Variants in SNX5 observed in about 807,000 individuals in gnomAD.
SNX5 encodes the protein sorting nexin 5.
Under a neutral mutation model 53.9 loss-of-function variants are expected in SNX5, and 31 were observed. That is an observed-to-expected ratio of 0.58 (90% confidence interval 0.43 to 0.78). SNX5 has a LOEUF of 0.78. Ranked by LOEUF, SNX5 falls within the 30% of genes least tolerant of loss-of-function variation. The pLI is 0.00. For missense variants in SNX5, 471 were observed against 478.8 expected (o/e 0.98, Z 0.15); for synonymous variants, 168 against 171.1 (o/e 0.98, Z 0.14).
intron 1 of SNX5, chr20:17,963,010 T>C (rs1443451598): frequency 4.8e-6 from 2 of 412,952 alleles, no homozygotes; most frequent in Non-Finnish European, 9.6e-6. Flanking sequence ...CTGCCTTAAA[T>C]ATCTAATGCA....
At chr20:17,961,840 A>G (rs780477140) in intron 1 of SNX5, 97 of 985,480 alleles carry the variant, frequency 9.8e-5, no homozygotes, top group Non-Finnish European at 1.1e-4. Flanking sequence ...CATGGAGCCA[A>G]GAAGCCTGCC....
At chr20:17,954,153 C>A (rs756514562) in intron 3 of SNX5, 36 bp from the exon 4 acceptor site, 13 of 1,608,974 alleles carry the variant, frequency 8.1e-6, no homozygotes, top group Non-Finnish European at 1.1e-5. Flanking sequence ...GCCTCTTGTC[C>A]CAGCAGCGAT....
intron 10 of SNX5, among the ~76,000 whole-genome samples, chr20:17,948,497 A>G (rs2039516883): frequency 6.6e-6 from 1 of 152,240 alleles, no homozygotes; most frequent in African/African-American, 2.4e-5. Flanking sequence ...ATATTTGTTC[A>G]GGGCAATGCA....
intron 1 of SNX5, chr20:17,967,792 C>G (rs1262318294): frequency 8.9e-6 from 3 of 336,586 alleles, no homozygotes; most frequent in South Asian, 3.1e-4. Flanking sequence ...ATGGGCAAGA[C>G]TTAAAAATAG....
chr20:17,968,268 G>T, intron 1 of SNX5, 107 bp downstream of exon 1: 1 of 959,632 alleles, frequency 1.0e-6, no homozygotes, highest in Non-Finnish European at 1.4e-6. Flanking sequence ...CCGCGCTGGG[G>T]ATGGCGGCGA....
chr20:17,967,420 T>A (rs2035563545), intron 1 of SNX5, among the ~76,000 whole-genome samples: 1 of 152,180 alleles, frequency 6.6e-6, no homozygotes, highest in Non-Finnish European at 1.5e-5. Context: ...GATACCCTTG[T>A]TGGAACAATC....
chr20:17,955,287 A>T (rs2035334070), intron 3 of SNX5, 78 bp downstream of exon 3: 1 of 960,836 alleles, frequency 1.0e-6, no homozygotes, highest in African/African-American at 1.6e-5. Context: ...CATTAAAAAA[A>T]GTGGATATAA....
chr20:17,954,160 C>T lies in SNX5; in HGVS notation c.268-43G>A, dbSNP rs200579546. 118 of 1,607,442 alleles carry T rather than the reference C, an allele frequency of 7.3e-5. No individual in the cohort carries two copies. The East Asian group carries it at 1.0e-3, about 14-fold the overall frequency. On this transcript the variant is annotated intron_variant, in intron 3 of 12. Transcript: ENST00000377759. Reference sequence around the variant, plus strand: ...ACTCATGAGCCTCTTGTCCCAGCAGCGATGTTTTCTAGTTGGTGCCTCATT... The same window carrying T: ...ACTCATGAGCCTCTTGTCCCAGCAGTGATGTTTTCTAGTTGGTGCCTCATT...
At chr20:17,954,358 T>C (rs749625460) in intron 3 of SNX5, 23 of 448,814 alleles carry the variant, frequency 5.1e-5, no homozygotes, top group South Asian at 1.5e-4. Context: ...TTATCCATTA[T>C]AGACAATTGT....
intron 5 of SNX5, among the ~76,000 whole-genome samples, chr20:17,952,386 G>C (rs1367061197): frequency 6.6e-6 from 1 of 152,096 alleles, no homozygotes; most frequent in Non-Finnish European, 1.5e-5. Flanking sequence ...AAGAAACCTA[G>C]GTTTTGGAAG....
In SNX5 at chr20:17,945,837, A is replaced by T. The variant is rs189856414; in HGVS notation, c.1078+1649T>A. On this transcript the variant is annotated intron_variant, in intron 11 of 12. Coordinates refer to ENST00000377759, the MANE Select transcript of SNX5 (RefSeq NM_014426.4). Reference sequence around the variant, plus strand: ...AGGTTTCCCCCAGGTAGCTTCAAACATGTTGATGAACACATCATTTCCCTA... The same window carrying T: ...AGGTTTCCCCCAGGTAGCTTCAAACTTGTTGATGAACACATCATTTCCCTA... Among the ~76,000 whole-genome samples the T allele has an allele frequency of 1.7e-3, 253 of 152,336 alleles. 2 individuals carry two copies. Among genetic ancestry groups the T allele is most frequent in the Non-Finnish European group, 2.1e-3 (143 of 68,026 alleles).
chr20:17,958,057 T>C (rs972507621), intron 1 of SNX5, among the ~76,000 whole-genome samples: 8 of 147,544 alleles, frequency 5.4e-5, no homozygotes, highest in African/African-American at 1.7e-4. Flanking sequence ...TAATAGGAAC[T>C]GGGCTATTAG....
chr20:17,944,430 C>T (rs938025624), intron 11 of SNX5: 1 of 152,148 alleles, frequency 6.6e-6, no homozygotes, highest in Admixed American at 6.5e-5. Context: ...AATGACTTGT[C>T]GATTAAAAAT....
rs1263067466 is a variant in SNX5, at chr20:17,953,926, A to G, written c.389+70T>C. 7 of 1,336,376 alleles carry G rather than the reference A, an allele frequency of 5.2e-6. No individual in the cohort carries two copies. The Admixed American group carries it at 6.2e-5, about 12-fold the overall frequency. 82.8% of individuals were successfully genotyped at this position (1,336,376 alleles called of 1,614,324 possible). A position where few individuals can be genotyped will look rare whatever the true frequency, so the allele number is the denominator to read the frequency against. On this transcript the variant is annotated intron_variant, in intron 4 of 12. Transcript: ENST00000377759. Reference sequence around the variant, plus strand: ...AAACAAAATTAAGTCAGGTTCTTCTACTTATTTTTGTACACAGCACCACTT... The same window carrying G: ...AAACAAAATTAAGTCAGGTTCTTCTGCTTATTTTTGTACACAGCACCACTT...
intron 1 of SNX5, chr20:17,961,230 A>G (rs1259099108): frequency 8.7e-5 from 86 of 985,174 alleles, no homozygotes; most frequent in Non-Finnish European, 9.9e-5. Context: ...GTCTTCATAA[A>G]CTCACTTTTG....
intron 11 of SNX5, chr20:17,945,197 G>A (rs1213613421): frequency 2.0e-5 from 3 of 152,220 alleles, no homozygotes; most frequent in Non-Finnish European, 4.4e-5. Flanking sequence ...TGGATATCCT[G>A]GGTGAAGATA....
chr20:17,958,220 A>G (rs771895636), intron 1 of SNX5, among the ~76,000 whole-genome samples: 10 of 152,192 alleles, frequency 6.6e-5, no homozygotes, highest in Non-Finnish European at 1.3e-4. Context: ...TTGTCATAAC[A>G]CTGGATTACC....
chr20:17,963,280 G>A (rs756498067), intron 1 of SNX5, among the ~76,000 whole-genome samples: 4 of 152,110 alleles, frequency 2.6e-5, no homozygotes, highest in Non-Finnish European at 5.9e-5. Context: ...AGGAGTTTGA[G>A]ACAAGCCTGG....
chr20:17,959,277 G>A (rs976249787), intron 1 of SNX5, among the ~76,000 whole-genome samples: 11 of 152,164 alleles, frequency 7.2e-5, no homozygotes, highest in African/African-American at 1.9e-4. Flanking sequence ...GCTGCTTTTC[G>A]TTCCTCTGAA....
Sources: gnomAD v4.1 joint callset for allele counts (sites outside exome capture counted in the v4.1 genomes callset) on GRCh38, gnomAD v4.1.1 for gene constraint, MANE v1.5 for transcripts, NCBI Gene and HGNC (gene_info 2026-07-23, HGNC 2026-07-21) for gene names.